Variants in RNF6 observed in about 807,000 individuals in gnomAD.
The protein encoded by RNF6 is ring finger protein 6.
Under a neutral mutation model 50.1 loss-of-function variants are expected in RNF6, and 21 were observed. The ratio of observed to expected loss-of-function variants is 0.42; its 90% CI spans 0.30 to 0.60. The LOEUF (loss-of-function observed/expected upper bound fraction) is 0.60, where lower values mean the gene tolerates loss of function less well. Ranked by LOEUF, RNF6 falls within the 20% of genes least tolerant of loss-of-function variation. RNF6 has a pLI of 0.20. For synonymous variants in RNF6, 255 were observed against 291.8 expected, an observed-to-expected ratio of 0.87 and a Z score of 1.29; for missense variants, 698 against 838.2, an observed-to-expected ratio of 0.83 and a Z score of 2.07.
At chr13:26,209,462 A>G (rs1869232367), downstream of RNF6, among the ~76,000 whole-genome samples, 2 of 152,136 alleles carry the variant, frequency 1.3e-5, no homozygotes, top group Non-Finnish European at 1.5e-5. Flanking sequence ...TTTTTGTTTG[A>G]TTTTTATTCC....
chr13:26,156,976 T>C (rs1481420794), intron 5 of RNF6, among the ~76,000 whole-genome samples: 1 of 152,192 alleles, frequency 6.6e-6, no homozygotes, highest in Non-Finnish European at 1.5e-5. Flanking sequence ...CCTTATTCTT[T>C]ACACCAAAAT....
intron 5 of RNF6, among the ~76,000 whole-genome samples, chr13:26,185,824 G>A (rs1164021596): frequency 6.6e-6 from 1 of 152,154 alleles, no homozygotes. Context: ...TGTTCTCTAC[G>A]CCTAACTACG....
At chr13:26,167,480 G>A (rs7997849) in intron 5 of RNF6, among the ~76,000 whole-genome samples, 1 of 152,014 alleles carries the variant, frequency 6.6e-6, no homozygotes, top group African/African-American at 2.4e-5. Context: ...TAGAGAAATG[G>A]AAATCAAAAC....
chr13:26,149,442 C>A (rs1871435981), intron 5 of RNF6, among the ~76,000 whole-genome samples: 2 of 151,998 alleles, frequency 1.3e-5, no homozygotes, highest in Non-Finnish European at 1.5e-5. Flanking sequence ...AAAAAATTAG[C>A]TGAGCGTGGT....
intron 5 of RNF6, among the ~76,000 whole-genome samples, chr13:26,160,684 C>T (rs948188437): frequency 2.0e-5 from 3 of 151,824 alleles, no homozygotes; most frequent in Non-Finnish European, 4.4e-5. Context: ...CTAGGGTTGC[C>T]CTAACAAAAT....
intron 5 of RNF6, among the ~76,000 whole-genome samples, chr13:26,143,146 C>A (rs984847285): frequency 6.6e-6 from 1 of 152,050 alleles, no homozygotes; most frequent in Non-Finnish European, 1.5e-5. Context: ...GTAGACTGAC[C>A]CAAAGCTTTA....
Position 26,196,647 on chromosome 13 carries a change from A to G in RNF6, n.768+18827T>C, listed in dbSNP as rs550342564. Among the ~76,000 whole-genome samples the G allele has an allele frequency of 1.0e-3, 156 of 151,908 alleles. 5 individuals carry two copies. The highest frequency in any genetic ancestry group is 3.5e-3 in the African/African-American group (146 of 41,252). ...GACTCTTTCTCCAAAAAATAAATAA[A>G]TAAATAAATAAATAAAACATTTTCA... On this transcript the variant is annotated intron_variant and non_coding_transcript_variant, in intron 5 of 5. Coordinates refer to the RNF6 transcript ENST00000468480.
chr13:26,150,713 G>A (rs1871545787), intron 5 of RNF6: 1 of 149,356 alleles, frequency 6.7e-6, no homozygotes, highest in South Asian at 2.1e-4. Context: ...AATTACACCA[G>A]CTTTAATCAA....
chr13:26,202,864 C>A (rs1868948073), intron 5 of RNF6, among the ~76,000 whole-genome samples: 1 of 152,186 alleles, frequency 6.6e-6, no homozygotes, highest in Non-Finnish European at 1.5e-5. Context: ...TATGAGTCAG[C>A]AACAAAAGTC....
At chr13:26,207,221 C>G (rs761484615) in intron 5 of RNF6, among the ~76,000 whole-genome samples, 1 of 143,450 alleles carries the variant, frequency 7.0e-6, no homozygotes, top group Non-Finnish European at 1.5e-5. Context: ...GAAGAGAGAA[C>G]AGCATGGGCA....
Position 26,215,057 on chromosome 13 carries a change from A to G in RNF6, c.825T>C (p.Phe275=), listed in dbSNP as rs200678545. Residue 275 remains phenylalanine (F), a synonymous_variant, in exon 5 of 5, where the codon TTT becomes TTC. Transcript: ENST00000381588. Reference sequence around the variant, plus strand: ...CATTTTCCCAAACATGTGCTGCTCCAAACCGTTGCCCCTCCCTTTGCCTGA... The same window carrying G: ...CATTTTCCCAAACATGTGCTGCTCCGAACCGTTGCCCCTCCCTTTGCCTGA... ...SELRQREGQR[F]GAAHVWENGA... is the part of the protein sequence containing the mutation. 27 of 1,614,232 alleles carry G rather than the reference A, an allele frequency of 1.7e-5. No individual in the cohort carries two copies. In the East Asian group the frequency reaches 6.0e-4, roughly 36 times the overall value.
Position 26,214,627 on chromosome 13 carries a change from T to G in RNF6, c.1255A>C (p.Asn419His). Residue 419 changes from asparagine (N) to histidine (H), a missense_variant, in exon 5 of 5, where the codon AAT becomes CAT. Physicochemically the swap from Asn to His is moderately conservative, Grantham distance 68. Coordinates refer to ENST00000381588, the MANE Select transcript of RNF6 (RefSeq NM_005977.4). ...GENRDRDSIA[N>H]RTRSRVGLAE... ...AGCCCTACTCTGGATCGAGTTCTAT[T>G]TGCAATACTATCCCGATCTCTATTT... 1.2e-6 allele frequency: 2 copies of G among 1,614,238 alleles called. No individual in the cohort carries two copies. The highest frequency in any genetic ancestry group is 1.7e-6 in the Non-Finnish European group (2 of 1,180,042).
chr13:26,187,582 T>G (rs1390125011), intron 5 of RNF6, among the ~76,000 whole-genome samples: 1 of 152,100 alleles, frequency 6.6e-6, no homozygotes, highest in East Asian at 1.9e-4. Flanking sequence ...TCTGGAAGCT[T>G]ATTGGGTGAC....
chr13:26,178,984 A>T (rs1873106540), intron 5 of RNF6, among the ~76,000 whole-genome samples: 1 of 152,314 alleles, frequency 6.6e-6, no homozygotes, highest in Non-Finnish European at 1.5e-5. Context: ...GTTAAGACTA[A>T]ATAATATTTC....
chr13:26,216,405 T>C (rs1198673597), intron 4 of RNF6, among the ~76,000 whole-genome samples: 1 of 152,178 alleles, frequency 6.6e-6, no homozygotes, highest in Non-Finnish European at 1.5e-5. Flanking sequence ...CAAAGATTTT[T>C]GTAGTTTTAG....
intron 5 of RNF6, among the ~76,000 whole-genome samples, chr13:26,141,487 A>C (rs1870949579): frequency 6.6e-6 from 1 of 152,118 alleles, no homozygotes; most frequent in Admixed American, 6.6e-5. Context: ...ACTGTACTAC[A>C]AGGCTACAGT....
intron 5 of RNF6, among the ~76,000 whole-genome samples, chr13:26,153,219 T>C (rs1053750891): frequency 2.6e-5 from 4 of 151,802 alleles, no homozygotes; most frequent in Non-Finnish European, 5.9e-5. Flanking sequence ...TTTTATTTTA[T>C]GTATTTTTTT....
intron 5 of RNF6, among the ~76,000 whole-genome samples, chr13:26,191,919 G>A (rs1868479814): frequency 6.6e-6 from 1 of 152,210 alleles, no homozygotes; most frequent in Non-Finnish European, 1.5e-5. Flanking sequence ...AGACTTAAAT[G>A]AGGTGAAGAA....
intron 5 of RNF6, among the ~76,000 whole-genome samples, chr13:26,177,613 C>T (rs1873024012): frequency 6.6e-6 from 1 of 152,214 alleles, no homozygotes; most frequent in Non-Finnish European, 1.5e-5. Context: ...CCTCTTCCAC[C>T]TTACATTTCC....
Sources: allele counts gnomAD v4.1 joint callset (sites outside exome capture counted in the v4.1 genomes callset), GRCh38; gene constraint gnomAD v4.1.1; transcripts MANE v1.5; gene names NCBI Gene and HGNC (gene_info 2026-07-23, HGNC 2026-07-21).